The following ATXN7L1 variants were observed in gnomAD, a reference collection of about 807,000 sequenced individuals.
The protein encoded by ATXN7L1 is ataxin-7-like protein 1.
ATXN7L1 carries 15 observed loss-of-function variants against 70.8 expected under a neutral mutation model. The ratio of observed to expected loss-of-function variants is 0.21; its 90% CI spans 0.14 to 0.33. ATXN7L1 has a LOEUF of 0.33. Among genes scored for constraint, ATXN7L1 ranks in the 10% least tolerant of loss-of-function variants. The probability of loss-of-function intolerance (pLI) is 1.00; values close to 1 mark genes in which losing one functional copy is unlikely to be tolerated. For synonymous variants in ATXN7L1, 440 were observed against 445.1 expected (o/e 0.99, Z 0.14); for missense variants, 975 against 1,097.1 (o/e 0.89, Z 1.57).
chr7:105,690,285 A>G (rs1223011019), intron 3 of ATXN7L1, among the ~76,000 whole-genome samples: 1 of 152,190 alleles, frequency 6.6e-6, no homozygotes, highest in African/African-American at 2.4e-5. Context: ...GATTACAGGC[A>G]TGAGCCACCG....
In ATXN7L1 at chr7:105,864,720, G is replaced by A. The variant is rs575698075; in HGVS notation, c.250+11092C>T. ...GCAATCTCGGCTCACTGCAACCTCC[G>A]CCTCCCGAATTCAAGCAATTCTTCT... On this transcript the variant is annotated intron_variant, in intron 2 of 11. Coordinates refer to ENST00000419735, the MANE Select transcript of ATXN7L1 (RefSeq NM_020725.2). Among the ~76,000 whole-genome samples, 37 of 150,928 alleles carry A rather than the reference G, an allele frequency of 2.5e-4. 1 individual carries two copies. The South Asian group carries it at 5.5e-3, about 22-fold the overall frequency.
intron 3 of ATXN7L1, among the ~76,000 whole-genome samples, chr7:105,764,360 C>T (rs1800966645): frequency 1.3e-5 from 2 of 151,622 alleles, no homozygotes; most frequent in South Asian, 2.1e-4. Flanking sequence ...CAGTGGTTCT[C>T]AAAGTATAGT....
rs369907255 is a variant in ATXN7L1 at position 105,669,306 on chromosome 7, T to G, written c.356-4018A>C. On this transcript the variant is annotated intron_variant, in intron 3 of 11. Coordinates refer to ENST00000419735, the MANE Select transcript of ATXN7L1 (RefSeq NM_020725.2). ...CTTGTTAGCCAGGCTGGTTTCAAAC[T>G]CCCGACCTCAAGTGATCCGCCTGCT... Among the ~76,000 whole-genome samples the G allele has an allele frequency of 3.9e-4, 60 of 152,216 alleles. 1 individual carries two copies. Among genetic ancestry groups the G allele is most frequent in the African/African-American group, 1.3e-3 (55 of 41,546 alleles).
At chr7:105,747,508 A>T (rs183054387) in intron 3 of ATXN7L1, among the ~76,000 whole-genome samples, 1 of 152,312 alleles carries the variant, frequency 6.6e-6, no homozygotes, top group East Asian at 1.9e-4. Flanking sequence ...GTATCCTTTA[A>T]GATATCCTTT....
chr7:105,781,308 C>A (rs894046835), intron 3 of ATXN7L1, among the ~76,000 whole-genome samples: 1 of 152,266 alleles, frequency 6.6e-6, no homozygotes, highest in Middle Eastern at 3.4e-3. Flanking sequence ...AAACGTTCAC[C>A]CCAATTACAA....
At chr7:105,687,723 T>C (rs1454192604) in intron 3 of ATXN7L1, among the ~76,000 whole-genome samples, 5 of 152,156 alleles carry the variant, frequency 3.3e-5, no homozygotes, top group South Asian at 2.1e-4. Context: ...AGAAAAAGTA[T>C]AGGATGGAGG....
chr7:105,679,151 GC>G, intron 3 of ATXN7L1: 1 of 985,968 alleles, frequency 1.0e-6, no homozygotes, highest in African/African-American at 1.7e-5. Flanking sequence ...CTGGATGAGG[GC>G]CCTGGCCAGT....
intron 4 of ATXN7L1, among the ~76,000 whole-genome samples, chr7:105,654,130 T>C (rs1382456777): frequency 1.3e-5 from 2 of 152,234 alleles, no homozygotes; most frequent in African/African-American, 4.8e-5. Context: ...GCTCGATAAA[T>C]GTTTGATGAA....
chr7:105,679,445 C>T (rs1453279047), intron 3 of ATXN7L1, among the ~76,000 whole-genome samples: 3 of 152,164 alleles, frequency 2.0e-5, no homozygotes, highest in Admixed American at 2.0e-4. Context: ...CTCAGGCCTT[C>T]CCACTCCCTC....
chr7:105,784,687 A>T (rs1244561579), intron 3 of ATXN7L1, among the ~76,000 whole-genome samples: 1 of 152,182 alleles, frequency 6.6e-6, no homozygotes, highest in Admixed American at 6.5e-5. Context: ...GCCTCACATC[A>T]GTCACATCAT....
intron 2 of ATXN7L1, among the ~76,000 whole-genome samples, chr7:105,794,357 T>C (rs1157090886): frequency 6.6e-6 from 1 of 152,220 alleles, no homozygotes; most frequent in Non-Finnish European, 1.5e-5. Context: ...AAATGTGCAA[T>C]TCTTCCCAAC....
intron 7 of ATXN7L1, among the ~76,000 whole-genome samples, chr7:105,635,353 C>T (rs1182786943): frequency 6.6e-6 from 1 of 152,228 alleles, no homozygotes; most frequent in Non-Finnish European, 1.5e-5. Context: ...GCCCCTCGGG[C>T]TGGGGGCAGA....
chr7:105,820,114 CTG>C (rs1343446513), intron 2 of ATXN7L1: 6 of 118,140 alleles, frequency 5.1e-5, no homozygotes, highest in Non-Finnish European at 1.5e-5. Flanking sequence ...CCAGTAAAGA[CTG>C]TTTATTCCTC....
chr7:105,691,004 G>A (rs931229831), intron 3 of ATXN7L1, among the ~76,000 whole-genome samples: 3 of 152,128 alleles, frequency 2.0e-5, no homozygotes, highest in East Asian at 1.9e-4. Flanking sequence ...TTTTAAAAAT[G>A]TTATAAATGT....
chr7:105,624,188 C>A lies in ATXN7L1; in HGVS notation c.1282G>T (p.Val428Phe). 1.3e-6 allele frequency: 2 copies of A among 1,529,262 alleles called. No homozygotes were observed. Among genetic ancestry groups the A allele is most frequent in the Non-Finnish European group, 1.8e-6 (2 of 1,134,450 alleles). The allele number at this position is 1,529,262 out of a possible 1,614,324, so 94.7% of individuals were successfully genotyped here. A position where few individuals can be genotyped will look rare whatever the true frequency, so the allele number is the denominator to read the frequency against. ...AGTCGGCTGGCGAGGTCACCTCCAACCGGTGGGAGTGGGGGCTCTGGAGTG... is the reference window on the plus strand; with the variant it reads ...AGTCGGCTGGCGAGGTCACCTCCAAACGGTGGGAGTGGGGGCTCTGGAGTG... ...GHTPEPPLPP[V>F]GGDLASRLSS... The change falls in exon 8 of 12, where the codon GTT (valine) becomes TTT (phenylalanine). Residue 428 changes from valine to phenylalanine, a missense_variant. This residue lies in a region of ATXN7L1 where 635 missense variants were observed against 699.4 expected (regional missense o/e 0.91). Coordinates refer to ENST00000419735, the MANE Select transcript of ATXN7L1 (RefSeq NM_020725.2).
chr7:105,609,549 C>T (rs1056814585), intron 11 of ATXN7L1, among the ~76,000 whole-genome samples: 6 of 152,042 alleles, frequency 3.9e-5, no homozygotes, highest in Non-Finnish European at 5.9e-5. Flanking sequence ...ACTGCAGCCT[C>T]AACCTCCCAG....
chr7:105,847,529 A>C lies in ATXN7L1; in HGVS notation c.250+28283T>G, dbSNP rs185495298. Among the ~76,000 whole-genome samples the C allele has an allele frequency of 1.2e-4, 19 of 152,336 alleles. No homozygotes were observed. The East Asian group carries it at 3.3e-3, about 26-fold the overall frequency. On this transcript the variant is annotated intron_variant, in intron 2 of 11. Transcript: ENST00000419735. The stretch of plus-strand genomic sequence containing the variant: ...AGGGTTGACTCTTCTAGAGCCAACC[A>C]ACAGGTCCAGATGTGGATGGTGCTA...
chr7:105,817,314 G>A (rs1158632899), intron 2 of ATXN7L1, among the ~76,000 whole-genome samples: 1 of 152,178 alleles, frequency 6.6e-6, no homozygotes, highest in Non-Finnish European at 1.5e-5. Context: ...GAAGCCTACT[G>A]CTCAGTGTGT....
chr7:105,817,734 C>A lies in ATXN7L1; in HGVS notation c.251-29026G>T, dbSNP rs2116555842. Among the ~76,000 whole-genome samples the A allele has an allele frequency of 2.0e-5, 3 of 152,300 alleles. No homozygotes were observed. In the Middle Eastern group the frequency reaches 0.01, roughly 518 times the overall value. On this transcript the variant is annotated intron_variant, in intron 2 of 11. Transcript: ENST00000419735. ...GAATTCGAGATCAGCCTGTGCAACA[C>A]AGCGAGACCGCTATCTCTAAAAAAT...
Sources: gnomAD v4.1 joint callset for allele counts (sites outside exome capture counted in the v4.1 genomes callset) on GRCh38, gnomAD v4.1.1 for gene constraint, gnomAD v4.1.1 regional missense constraint, MANE v1.5 for transcripts, NCBI Gene and HGNC (gene_info 2026-07-23, HGNC 2026-07-21) for gene names.